The following CLSPN variants were observed in gnomAD, a reference collection of about 807,000 sequenced individuals.
CLSPN encodes claspin.
CLSPN carries 85 observed loss-of-function variants against 156.3 expected under a neutral mutation model. The observed-to-expected ratio is 0.54, with a 90% CI of 0.46 to 0.65. The LOEUF (loss-of-function observed/expected upper bound fraction) is 0.65, where lower values mean the gene tolerates loss of function less well. Among genes scored for constraint, CLSPN ranks in the 30% least tolerant of loss-of-function variants. The pLI is 0.00. For missense variants in CLSPN, 1,407 were observed against 1,554.9 expected (o/e 0.90, Z 1.60); for synonymous variants, 534 against 542.4 (o/e 0.98, Z 0.22).
chr1:35,735,678 A>T lies in CLSPN; in HGVS notation c.*818T>A. 2 of 971,180 alleles carry T rather than the reference A, an allele frequency of 2.1e-6. No individual in the cohort carries two copies. Among genetic ancestry groups the T allele is most frequent in the Non-Finnish European group, 2.4e-6 (2 of 817,180 alleles). 60.2% of individuals were successfully genotyped at this position (971,180 alleles called of 1,614,324 possible). A position where few individuals can be genotyped will look rare whatever the true frequency, so the allele number is the denominator to read the frequency against. ...AGCCGAGATTGCGCCACTGCACTCCAGACTGGGCAACAAAGTGAGACTATC... is the reference window on the plus strand; with the variant it reads ...AGCCGAGATTGCGCCACTGCACTCCTGACTGGGCAACAAAGTGAGACTATC... On this transcript the variant is annotated 3_prime_UTR_variant, in exon 25 of 25. Transcript: ENST00000318121.
intron 15 of CLSPN, 152 bp from the exon 16 acceptor site, chr1:35,745,714 G>A: frequency 1.6e-6 from 1 of 618,052 alleles, no homozygotes; most frequent in Non-Finnish European, 2.9e-6. Flanking sequence ...TCCTTATTTA[G>A]TGCTTACTAT....
chr1:35,760,759 G>A lies in CLSPN; in HGVS notation c.1162C>T (p.Gln388Ter), dbSNP rs201394461. Residue 388 changes from glutamine to a stop codon, truncating the protein, a stop_gained, in exon 8 of 25, where the codon CAG becomes TAG. Coordinates refer to ENST00000318121, the MANE Select transcript of CLSPN (RefSeq NM_022111.4). LOFTEE classifies it high-confidence loss of function. The part of the protein sequence containing the change: ...NALPVVSKET[Q>*]IITGSDESCR... ...GACTCATCTGATCCAGTAATGATCT[G>A]GGTTTCCTTTGAAACTACAGGGAGT... 8 of 1,613,688 alleles carry A rather than the reference G, an allele frequency of 5.0e-6. No homozygotes were observed. Among genetic ancestry groups the A allele is most frequent in the Non-Finnish European group, 6.8e-6 (8 of 1,180,028 alleles).
chr1:35,761,893 T>C lies in CLSPN; in HGVS notation c.895+105A>G, dbSNP rs1642490805. On this transcript the variant is annotated intron_variant, in intron 6 of 24. Coordinates refer to ENST00000318121, the MANE Select transcript of CLSPN (RefSeq NM_022111.4). ...CAATTCTAAACTTAATATTATAACC[T>C]GAGTTCACATTAGAAGTGTTAAAAA... 3 of 714,124 alleles carry C rather than the reference T, an allele frequency of 4.2e-6. No homozygotes were observed. In the African/African-American group the frequency reaches 5.4e-5, roughly 13 times the overall value. The allele number at this position is 714,124 out of a possible 1,614,324, so 44.2% of individuals were successfully genotyped here.
At position 35,734,022 on chromosome 1, in the gene CLSPN, A is replaced by G; in HGVS notation, c.*2474T>C. ...ACAAAGAGCTATAATAGAAGGTACC[A>G]TTTATGTAAACTCAATTATCCTCTT... is the stretch of plus-strand genomic sequence containing the variant. On this transcript the variant is annotated 3_prime_UTR_variant, in exon 25 of 25. Coordinates refer to ENST00000318121, the MANE Select transcript of CLSPN (RefSeq NM_022111.4). The G allele has an allele frequency of 6.1e-6, 6 of 985,412 alleles. No homozygotes were observed. The highest frequency in any genetic ancestry group is 7.2e-6 in the Non-Finnish European group (6 of 829,902). 61.0% of individuals were successfully genotyped at this position (985,412 alleles called of 1,614,324 possible).
chr1:35,758,988 GT>G (rs1163250002), intron 8 of CLSPN, among the ~76,000 whole-genome samples: 1 of 152,088 alleles, frequency 6.6e-6, no homozygotes, highest in Admixed American at 6.6e-5. Context: ...CGTATACAAT[GT>G]TAAACAATTA....
At chr1:35,741,973 CAAAAAAAAAAAA>C (rs767602385) in intron 18 of CLSPN, among the ~76,000 whole-genome samples, 4 of 55,676 alleles carry the variant, frequency 7.2e-5, no homozygotes, top group Non-Finnish European at 1.1e-4. Flanking sequence ...GACTCCGTCT[CAAAAAAAAAAAA>C]AAAAAAAAAA....
chr1:35,726,152 CAAA>C (rs3041363), intron 24 of CLSPN, among the ~76,000 whole-genome samples: 53 of 48,204 alleles, frequency 1.1e-3, no homozygotes, highest in Middle Eastern at 0.031. Context: ...CAGATGCAGA[CAAA>C]AAAAAAAAAA....
intron 8 of CLSPN, among the ~76,000 whole-genome samples, chr1:35,758,367 G>A (rs957471529): frequency 2.6e-5 from 4 of 152,064 alleles, no homozygotes; most frequent in African/African-American, 7.2e-5. Context: ...AGTCTTGGCT[G>A]AGTGTAGTGG....
rs1351100687 is a variant in CLSPN, at chr1:35,732,367, G to A, written c.*4129C>T. On this transcript the variant is annotated 3_prime_UTR_variant, in exon 25 of 25. Transcript: ENST00000318121. ...AAAAACCAAAAACACCCCCTAAAAA[G>A]TCTCCCAGCCTGAGCATTAGAAACT... The A allele has an allele frequency of 1.1e-5, 11 of 985,234 alleles. No homozygotes were observed. In the African/African-American group the frequency reaches 1.6e-4, roughly 14 times the overall value. The allele number at this position is 985,234 out of a possible 1,614,324, so 61.0% of individuals were successfully genotyped here. A position where few individuals can be genotyped will look rare whatever the true frequency, so the allele number is the denominator to read the frequency against.
rs200277769 is a variant in CLSPN, at chr1:35,737,955, C to A, written c.3664+37G>T. The A allele has an allele frequency of 2.5e-6, 3 of 1,191,616 alleles. No homozygotes were observed. The South Asian group carries it at 5.8e-5, about 23-fold the overall frequency. 73.8% of individuals were successfully genotyped at this position (1,191,616 alleles called of 1,614,324 possible). A position where few individuals can be genotyped will look rare whatever the true frequency, so the allele number is the denominator to read the frequency against. On this transcript the variant is annotated intron_variant, in intron 22 of 24. Coordinates refer to ENST00000318121, the MANE Select transcript of CLSPN (RefSeq NM_022111.4). ...CCTCCAAAGCTCTACCACTAACAAT[C>A]CAGGGGGCTAGACCCTAAGGAGAAA...
chr1:35,768,549 G>A lies in CLSPN; in HGVS notation c.24+1298C>T, dbSNP rs866496743. On this transcript the variant is annotated intron_variant, in intron 1 of 24. Coordinates refer to ENST00000318121, the MANE Select transcript of CLSPN (RefSeq NM_022111.4). Reference sequence around the variant, plus strand: ...CAGCCACCCGAGTAGCTGGGACCGAGTAGCTGGGACCACAGGCGACGCCCG... The same window carrying A: ...CAGCCACCCGAGTAGCTGGGACCGAATAGCTGGGACCACAGGCGACGCCCG... Among the ~76,000 whole-genome samples, 8 of 151,764 alleles carry A rather than the reference G, an allele frequency of 5.3e-5. No homozygotes were observed. The Middle Eastern group carries it at 0.01, about 195-fold the overall frequency.
At position 35,736,593 on chromosome 1, in the gene CLSPN, C is replaced by A; in HGVS notation, c.3923G>T (p.Gly1308Val). ...TGAAGGAGAAGTCATGAAAGATGGACCCCTTTTCTTTACCTAGAGAGCAGA... is the reference window on the plus strand; with the variant it reads ...TGAAGGAGAAGTCATGAAAGATGGAACCCTTTTCTTTACCTAGAGAGCAGA... ...ESSKSQVKKR[G>V]PSFMTSPSPK... Residue 1308 changes from glycine to valine, a missense_variant, in exon 25 of 25, where the codon GGT becomes GTT. Transcript: ENST00000318121. 1 of 1,611,084 alleles carries A rather than the reference C, an allele frequency of 6.2e-7. No individual in the cohort carries two copies. Among genetic ancestry groups the A allele is most frequent in the Non-Finnish European group, 8.5e-7 (1 of 1,178,886 alleles).
Position 35,746,596 on chromosome 1 carries a change from C to T in CLSPN, c.2854+170G>A, listed in dbSNP as rs921834683. On this transcript the variant is annotated intron_variant, in intron 15 of 24. Transcript: ENST00000318121. This position sits in a 1 kb window ranked among gnomAD's most constrained non-coding sequence, Gnocchi z 4.2. ...TTTTTTTCGTAGAGATGGGGATTTGCCATGTTGCCCAGGCTGGTCTCAAAC... is the reference window on the plus strand; with the variant it reads ...TTTTTTTCGTAGAGATGGGGATTTGTCATGTTGCCCAGGCTGGTCTCAAAC... 2.0e-5 allele frequency among the ~76,000 whole-genome samples: 3 copies of T among 150,548 alleles called. No individual in the cohort carries two copies. Among genetic ancestry groups the T allele is most frequent in the African/African-American group, 7.3e-5 (3 of 40,850 alleles).
Position 35,764,385 on chromosome 1 carries a change from T to G in CLSPN, c.463A>C (p.Ile155Leu), listed in dbSNP as rs376591604. ...CCTGCAGTTCCTTCTTTATCATGTA[T>G]GTGCTTTTTGGAACTCTTTCTGTCA... Reference protein sequence around the residue: ...TTDRKSSKKHIHDKEGTAGKA... With the variant: ...TTDRKSSKKHLHDKEGTAGKA... Residue 155 changes from isoleucine (I) to leucine (L), a missense_variant, in exon 3 of 25, where the codon ATA (isoleucine) becomes CTA (leucine). By Grantham distance (5) the Ile-to-Leu change is conservative. Coordinates refer to ENST00000318121, the MANE Select transcript of CLSPN (RefSeq NM_022111.4). 7 of 1,613,822 alleles carry G rather than the reference T, an allele frequency of 4.3e-6. No individual in the cohort carries two copies. The highest frequency in any genetic ancestry group is 5.9e-6 in the Non-Finnish European group (7 of 1,179,910).
At chr1:35,725,447 G>A (rs1167187277) in intron 24 of CLSPN, among the ~76,000 whole-genome samples, 3 of 152,132 alleles carry the variant, frequency 2.0e-5, no homozygotes, top group Non-Finnish European at 4.4e-5. Flanking sequence ...AAGGAGGAAA[G>A]AGAGAAGGGG....
rs1641452914 is a variant in CLSPN at position 35,735,929 on chromosome 1, C to A, written c.*567G>T. 3.0e-6 allele frequency: 3 copies of A among 985,024 alleles called. No homozygotes were observed. In the African/African-American group the frequency reaches 5.2e-5, roughly 17 times the overall value. 61.0% of individuals were successfully genotyped at this position (985,024 alleles called of 1,614,324 possible). A position where few individuals can be genotyped will look rare whatever the true frequency, so the allele number is the denominator to read the frequency against. ...AAATGTCTAATGGAGGAAGTGAAAC[C>A]TAACCCAAGGCCAGGTGCAGTGACT... On this transcript the variant is annotated 3_prime_UTR_variant, in exon 25 of 25. Coordinates refer to ENST00000318121, the MANE Select transcript of CLSPN (RefSeq NM_022111.4).
chr1:35,765,408 G>A, intron 1 of CLSPN, 82 bp from the exon 2 acceptor site: 1 of 902,074 alleles, frequency 1.1e-6, no homozygotes, highest in South Asian at 1.4e-5. Context: ...ATCATCGTGG[G>A]ATCATCAACC....
In CLSPN at chr1:35,738,099, T is replaced by TTAAA; in HGVS notation, c.3559-3_3559-2insTTTA. The TTAAA allele has an allele frequency of 1.5e-6, 1 of 666,986 alleles. No individual in the cohort carries two copies. Among genetic ancestry groups the TTAAA allele is most frequent in the Non-Finnish European group, 2.0e-6 (1 of 497,056 alleles). 41.3% of individuals were successfully genotyped at this position (666,986 alleles called of 1,614,324 possible). A position where few individuals can be genotyped will look rare whatever the true frequency, so the allele number is the denominator to read the frequency against. ...AGCTGTAATTTTCCCCTGCTGTGCC[T>TTAAA]GAAAAAAAAAAAAAATATATATATA... On this transcript the variant is annotated splice_region_variant and splice_polypyrimidine_tract_variant and intron_variant, in intron 21 of 24. Transcript: ENST00000318121.
In CLSPN at chr1:35,745,576, A is replaced by C; in HGVS notation, c.2855-14T>G. The C allele has an allele frequency of 1.3e-6, 2 of 1,542,118 alleles. No individual in the cohort carries two copies. The highest frequency in any genetic ancestry group is 2.2e-5 in the South Asian group (2 of 89,554). On this transcript the variant is annotated splice_polypyrimidine_tract_variant and intron_variant, in intron 15 of 24. Transcript: ENST00000318121. ...GAGTGGAGGCATCTACATCACAACA[A>C]GGAAAAGATGTGTCACCAAGGAATG...
Sources: gnomAD v4.1 joint callset for allele counts (sites outside exome capture counted in the v4.1 genomes callset) on GRCh38, gnomAD v4.1.1 for gene constraint, Gnocchi (gnomAD v3.1) non-coding constraint, MANE v1.5 for transcripts, NCBI Gene and HGNC (gene_info 2026-07-23, HGNC 2026-07-21) for gene names.